Variants in TBXAS1 observed in about 807,000 individuals in gnomAD.
TBXAS1 encodes thromboxane-A synthase.
A neutral mutation model predicts 60.7 loss-of-function variants in TBXAS1; 48 were observed. The ratio of observed to expected loss-of-function variants is 0.79; its 90% CI spans 0.63 to 1.01. The LOEUF (loss-of-function observed/expected upper bound fraction) is 1.01, where lower values mean the gene tolerates loss of function less well. Ranked by LOEUF, TBXAS1 falls within the 50% of genes least tolerant of loss-of-function variation. The probability of loss-of-function intolerance (pLI) is 0.00; values close to 1 mark genes in which losing one functional copy is unlikely to be tolerated. For missense variants in TBXAS1, 685 were observed against 686.3 expected (o/e 1.00, Z 0.02); for synonymous variants, 287 against 269.7 (o/e 1.06, Z -0.63).
chr7:139,815,267 CAG>C (rs1798116915), intron 4 of TBXAS1, among the ~76,000 whole-genome samples: 1 of 152,186 alleles, frequency 6.6e-6, no homozygotes, highest in African/African-American at 2.4e-5. Flanking sequence ...GACAGACAAA[CAG>C]GGTGCTCTGC....
chr7:139,875,413 A>G (rs1389187780), intron 2 of TBXAS1, among the ~76,000 whole-genome samples, 172 bp from the exon 3 acceptor site: 1 of 152,192 alleles, frequency 6.6e-6, no homozygotes, highest in Non-Finnish European at 1.5e-5. Flanking sequence ...ATTTTTTTTA[A>G]AGCCTTTTGT....
Position 139,988,627 on chromosome 7 carries a change from T to A in TBXAS1, c.1135-18464T>A, listed in dbSNP as rs116917317. ...CTTTCCACGCTGCAGGATGGGGTAC[T>A]TCTGCTTGCCTCAGCTGCCTGGCCC... On this transcript the variant is annotated intron_variant, in intron 9 of 12. Transcript: ENST00000448866. Among the ~76,000 whole-genome samples, 1,087 of 152,172 alleles carry A rather than the reference T, an allele frequency of 7.1e-3. 11 individuals are homozygous for A. Among genetic ancestry groups the A allele is most frequent in the Non-Finnish European group, 0.012 (817 of 67,996 alleles).
chr7:139,804,405 G>A (rs1797792217), intron 4 of TBXAS1, among the ~76,000 whole-genome samples: 1 of 152,162 alleles, frequency 6.6e-6, no homozygotes, highest in Non-Finnish European at 1.5e-5. Flanking sequence ...CAGGCTCATA[G>A]GCAGAAGAGA....
At chr7:139,864,479 G>A (rs746447514) in intron 1 of TBXAS1, among the ~76,000 whole-genome samples, 3 of 151,662 alleles carry the variant, frequency 2.0e-5, no homozygotes, top group Non-Finnish European at 1.5e-5. Context: ...AATCCAAATA[G>A]CATTTTCTCA....
At chr7:139,949,851 C>T (rs1431495801) in intron 5 of TBXAS1, among the ~76,000 whole-genome samples, 1 of 152,044 alleles carries the variant, frequency 6.6e-6, no homozygotes, top group African/African-American at 2.4e-5. Flanking sequence ...ACAGATAGCC[C>T]AAGATCCAAA....
chr7:139,918,140 A>G (rs549114978), intron 4 of TBXAS1, among the ~76,000 whole-genome samples: 1 of 152,244 alleles, frequency 6.6e-6, no homozygotes, highest in South Asian at 2.1e-4. Context: ...GCCATAGCTC[A>G]GTAGTATGGT....
chr7:139,924,458 T>A (rs1204921166), intron 4 of TBXAS1, among the ~76,000 whole-genome samples: 1 of 152,098 alleles, frequency 6.6e-6, no homozygotes, highest in African/African-American at 2.4e-5. Flanking sequence ...CTTTTTTTTT[T>A]AAACTGTCGA....
intron 12 of TBXAS1, among the ~76,000 whole-genome samples, chr7:140,018,115 T>C (rs1815247994): frequency 1.3e-5 from 2 of 152,300 alleles, no homozygotes; most frequent in South Asian, 2.1e-4. Context: ...ACCATTGTTA[T>C]TAGTATTGTT....
intron 9 of TBXAS1, among the ~76,000 whole-genome samples, chr7:139,990,273 G>T (rs1187533040): frequency 6.6e-6 from 1 of 152,216 alleles, no homozygotes; most frequent in Non-Finnish European, 1.5e-5. Flanking sequence ...GCTGGCGGTG[G>T]TGGCTGGCAT....
chr7:139,913,996 C>T (rs1385177405), intron 4 of TBXAS1: 1 of 151,442 alleles, frequency 6.6e-6, no homozygotes, highest in Non-Finnish European at 1.5e-5. Context: ...CAGTGGGGCT[C>T]ATATTGATTA....
Position 140,020,125 on chromosome 7 carries a change from G to GGGCACCCCCAAATTCAAAGAAAACCCT in TBXAS1, c.*27_*53dup, listed in dbSNP as rs770987710. On this transcript the variant is annotated 3_prime_UTR_variant, in exon 13 of 13. Transcript: ENST00000448866. Reference sequence around the variant, plus strand: ...CACAGAAGGCTGCCGGGTGGGGGGAGGGCACCCCCAAATTCAAAGAAAACC... The same window carrying GGGCACCCCCAAATTCAAAGAAAACCCT: ...CACAGAAGGCTGCCGGGTGGGGGGAGGGCACCCCCAAATTCAAAGAAAACCCTGGCACCCCCAAATTCAAAGAAAACC... The GGGCACCCCCAAATTCAAAGAAAACCCT allele has an allele frequency of 8.5e-6, 13 of 1,523,936 alleles. No homozygotes were observed. The East Asian group carries it at 2.7e-4, about 32-fold the overall frequency. The allele number at this position is 1,523,936 out of a possible 1,614,324, so 94.4% of individuals were successfully genotyped here. A position where few individuals can be genotyped will look rare whatever the true frequency, so the allele number is the denominator to read the frequency against.
chr7:139,924,404 T>G (rs535022968), intron 4 of TBXAS1, among the ~76,000 whole-genome samples: 3 of 152,314 alleles, frequency 2.0e-5, no homozygotes, highest in Admixed American at 2.0e-4. Flanking sequence ...TGATGACCAG[T>G]GATGTTGAGT....
At chr7:139,901,686 G>A (rs1176841953) in intron 3 of TBXAS1, among the ~76,000 whole-genome samples, 2 of 152,044 alleles carry the variant, frequency 1.3e-5, no homozygotes, top group Non-Finnish European at 2.9e-5. Context: ...CTCTGGTCTG[G>A]TAGGTCTGGG....
chr7:139,847,491 T>C (rs1799895444), intron 1 of TBXAS1, among the ~76,000 whole-genome samples: 2 of 152,302 alleles, frequency 1.3e-5, no homozygotes, highest in East Asian at 3.9e-4. Flanking sequence ...AATTCTCTCC[T>C]ATCATAAAAC....
intron 4 of TBXAS1, among the ~76,000 whole-genome samples, chr7:139,927,660 T>C (rs922874976): frequency 2.0e-5 from 3 of 152,192 alleles, no homozygotes; most frequent in Non-Finnish European, 2.9e-5. Context: ...GTGGAACCTC[T>C]ATATATTTAG....
At chr7:139,824,903 C>T (rs1798398922), upstream of TBXAS1, among the ~76,000 whole-genome samples, 2 of 144,756 alleles carry the variant, frequency 1.4e-5, no homozygotes. Flanking sequence ...GATCTTGGCT[C>T]ACTGCACCCT....
At chr7:140,005,624 G>A (rs958218888) in intron 9 of TBXAS1, among the ~76,000 whole-genome samples, 4 of 152,224 alleles carry the variant, frequency 2.6e-5, no homozygotes, top group East Asian at 1.9e-4. Flanking sequence ...AAATGCAGAC[G>A]GGAGAGCTTT....
At chr7:139,984,526 C>T (rs1056248486) in intron 9 of TBXAS1, among the ~76,000 whole-genome samples, 5 of 151,614 alleles carry the variant, frequency 3.3e-5, no homozygotes, top group African/African-American at 4.9e-5. Flanking sequence ...TACCCTCCTG[C>T]CCCTCCAGCC....
chr7:139,780,527 A>G (rs1408001245), intron 1 of TBXAS1, among the ~76,000 whole-genome samples: 1 of 152,174 alleles, frequency 6.6e-6, no homozygotes, highest in African/African-American at 2.4e-5. Flanking sequence ...GATAGCTGCA[A>G]TTTGTTGCAT....
Sources: gnomAD v4.1 joint callset for allele counts (sites outside exome capture counted in the v4.1 genomes callset) on GRCh38, gnomAD v4.1.1 for gene constraint, MANE v1.5 for transcripts, NCBI Gene and HGNC (gene_info 2026-07-23, HGNC 2026-07-21) for gene names.